Variants in ARHGAP15 observed in about 807,000 individuals in gnomAD.
ARHGAP15 encodes the protein Rho GTPase activating protein 15.
A neutral mutation model predicts 63.7 loss-of-function variants in ARHGAP15; 51 were observed. The ratio of observed to expected loss-of-function variants is 0.80; its 90% CI spans 0.64 to 1.01. The LOEUF is 1.01. Among genes scored for constraint, ARHGAP15 ranks in the 50% least tolerant of loss-of-function variants. The pLI, the probability that ARHGAP15 is intolerant of heterozygous loss-of-function variation, is 0.00. For missense variants in ARHGAP15, 560 were observed against 564.6 expected (o/e 0.99, Z 0.08); for synonymous variants, 191 against 193.8 (o/e 0.99, Z 0.12).
intron 12 of ARHGAP15, among the ~76,000 whole-genome samples, chr2:143,659,592 C>T (rs975972937): frequency 7.9e-5 from 12 of 152,056 alleles, no homozygotes; most frequent in East Asian, 1.9e-4. Flanking sequence ...TCCACAGTCA[C>T]GGGTGAGAAA....
intron 12 of ARHGAP15, among the ~76,000 whole-genome samples, chr2:143,670,394 C>T (rs997065142): frequency 1.2e-4 from 19 of 152,072 alleles, no homozygotes; most frequent in African/African-American, 4.3e-4. Context: ...TGAAGATCAG[C>T]GAGACTGATG....
At chr2:143,395,940 G>A (rs1001592861) in intron 6 of ARHGAP15, among the ~76,000 whole-genome samples, 4 of 152,010 alleles carry the variant, frequency 2.6e-5, no homozygotes, top group African/African-American at 2.4e-5. Flanking sequence ...GGTGTGCAGG[G>A]TACAGAAGTC....
chr2:143,483,755 T>A (rs971391582), intron 8 of ARHGAP15, among the ~76,000 whole-genome samples: 1 of 152,234 alleles, frequency 6.6e-6, no homozygotes, highest in Admixed American at 6.5e-5. Context: ...CTCTTCCAAC[T>A]ATACAATTTT....
At chr2:143,669,518 A>G (rs1682411181) in intron 12 of ARHGAP15, among the ~76,000 whole-genome samples, 1 of 152,188 alleles carries the variant, frequency 6.6e-6, no homozygotes, top group South Asian at 2.1e-4. Flanking sequence ...CCACAAGTAT[A>G]GGTACCATGT....
intron 10 of ARHGAP15, 53 bp downstream of exon 10, chr2:143,519,417 C>A: frequency 6.9e-7 from 1 of 1,444,412 alleles, no homozygotes; most frequent in Non-Finnish European, 9.7e-7. Context: ...CTCTACACAA[C>A]CAATACTCAA....
At chr2:143,670,311 T>C (rs535696806) in intron 12 of ARHGAP15, among the ~76,000 whole-genome samples, 8 of 152,312 alleles carry the variant, frequency 5.3e-5, no homozygotes, top group African/African-American at 1.9e-4. Flanking sequence ...TTTCCTGGTG[T>C]CAACGTATTT....
At position 143,556,345 on chromosome 2, in the gene ARHGAP15, A is replaced by AT. The variant is rs905531349; in HGVS notation, c.926-55dup. ...TTTGATTTACTCCTTCTTTTCATAG[A>AT]TTTTTTTTAAACCATCTCAATTCCT... On this transcript the variant is annotated intron_variant, in intron 10 of 13. Coordinates refer to ENST00000295095, the MANE Select transcript of ARHGAP15 (RefSeq NM_018460.4). The AT allele has an allele frequency of 1.8e-4, 233 of 1,279,912 alleles. 1 individual carries two copies. The highest frequency in any genetic ancestry group is 3.2e-4 in the African/African-American group (21 of 66,090). 79.3% of individuals were successfully genotyped at this position (1,279,912 alleles called of 1,614,324 possible). A position where few individuals can be genotyped will look rare whatever the true frequency, so the allele number is the denominator to read the frequency against.
intron 10 of ARHGAP15, among the ~76,000 whole-genome samples, chr2:143,520,575 CTG>C (rs1425074324): frequency 6.6e-6 from 1 of 152,074 alleles, no homozygotes; most frequent in South Asian, 2.1e-4. Context: ...GGAGAGGTAT[CTG>C]TGAGAAATGA....
chr2:143,393,393 A>G (rs544542038), intron 6 of ARHGAP15, among the ~76,000 whole-genome samples: 1 of 152,282 alleles, frequency 6.6e-6, no homozygotes, highest in East Asian at 1.9e-4. Context: ...AAATCTCTCT[A>G]GATAATTTAC....
At chr2:143,164,346 A>C (rs1690416324) in intron 2 of ARHGAP15, among the ~76,000 whole-genome samples, 1 of 152,028 alleles carries the variant, frequency 6.6e-6, no homozygotes, top group Non-Finnish European at 1.5e-5. Context: ...TTTTTTTTAC[A>C]TTAATGCATG....
chr2:143,340,150 G>A (rs985374157), intron 6 of ARHGAP15, among the ~76,000 whole-genome samples: 6 of 152,202 alleles, frequency 3.9e-5, no homozygotes, highest in African/African-American at 1.2e-4. Context: ...ACATTTTGTC[G>A]TTTGGGCAGA....
At chr2:143,144,042 T>C (rs1013795928) in intron 1 of ARHGAP15, among the ~76,000 whole-genome samples, 3 of 152,036 alleles carry the variant, frequency 2.0e-5, no homozygotes, top group African/African-American at 4.8e-5. Context: ...CTGTGTTAGT[T>C]TGCTAAAGAT....
intron 11 of ARHGAP15, among the ~76,000 whole-genome samples, chr2:143,612,428 C>G (rs1305539529): frequency 6.6e-6 from 1 of 152,196 alleles, no homozygotes; most frequent in African/African-American, 2.4e-5. Flanking sequence ...CTTAAATGTC[C>G]TGTGTGTGAT....
intron 6 of ARHGAP15, among the ~76,000 whole-genome samples, chr2:143,399,781 C>G (rs2104992878): frequency 6.6e-6 from 1 of 152,108 alleles, no homozygotes; most frequent in Non-Finnish European, 1.5e-5. Flanking sequence ...ATGTGCCCCT[C>G]TGGAAAGCCC....
At chr2:143,481,539 ATAT>A (rs1303398111) in intron 8 of ARHGAP15, among the ~76,000 whole-genome samples, 1 of 152,178 alleles carries the variant, frequency 6.6e-6, no homozygotes, top group East Asian at 1.9e-4. Context: ...ATTTTGGATC[ATAT>A]TATCCAAACC....
At chr2:143,724,400 C>G (rs1418527810) in intron 13 of ARHGAP15, among the ~76,000 whole-genome samples, 1 of 152,162 alleles carries the variant, frequency 6.6e-6, no homozygotes, top group African/African-American at 2.4e-5. Flanking sequence ...ATCGAAGAGA[C>G]AAAGTTGTTT....
chr2:143,741,009 A>G (rs1395949613), intron 13 of ARHGAP15: 2 of 152,182 alleles, frequency 1.3e-5, no homozygotes, highest in African/African-American at 4.8e-5. Flanking sequence ...CCTGTCACTC[A>G]TCTCCCTCCT....
chr2:143,664,598 A>G (rs1381674948), intron 12 of ARHGAP15, among the ~76,000 whole-genome samples: 29 of 151,334 alleles, frequency 1.9e-4, no homozygotes, highest in Non-Finnish European at 3.7e-4. Context: ...AGAGACACAA[A>G]AAACCCTTCA....
At chr2:143,207,732 A>G (rs1692396512) in intron 3 of ARHGAP15, among the ~76,000 whole-genome samples, 2 of 152,106 alleles carry the variant, frequency 1.3e-5, no homozygotes, top group African/African-American at 4.8e-5. Flanking sequence ...TTCATCCCAA[A>G]TTCTTATTTA....
Sources: allele counts gnomAD v4.1 joint callset (sites outside exome capture counted in the v4.1 genomes callset), GRCh38; gene constraint gnomAD v4.1.1; transcripts MANE v1.5; gene names NCBI Gene and HGNC (gene_info 2026-07-23, HGNC 2026-07-21).